Variants in MMRN1 observed in about 807,000 individuals in gnomAD.
The protein encoded by MMRN1 is multimerin-1.
MMRN1 carries 94 observed loss-of-function variants against 100.7 expected under a neutral mutation model. The ratio of observed to expected loss-of-function variants is 0.93; its 90% CI spans 0.79 to 1.11. The LOEUF (loss-of-function observed/expected upper bound fraction) is 1.11. MMRN1 is among the 50% of genes least tolerant of loss of function. MMRN1 has a pLI of 0.00. For missense variants in MMRN1, 1,606 were observed against 1,439.1 expected (o/e 1.12, Z -1.88); for synonymous variants, 575 against 505.0 (o/e 1.14, Z -1.86).
Position 89,923,226 on chromosome 4 carries a change from C to T in MMRN1, c.909C>T (p.Gly303=). ...AGGCTGAAAGTCATACAGCTGTTGGCAGAGGAGTAGCTGAGCAGCAGCAGC... is the reference window on the plus strand; with the variant it reads ...AGGCTGAAAGTCATACAGCTGTTGGTAGAGGAGTAGCTGAGCAGCAGCAGC... ...TNQAESHTAV[G]RGVAEQQQQQ... The change falls in exon 4 of 8, where the codon GGC becomes GGT. Residue 303 remains glycine (G), a synonymous_variant. Coordinates refer to ENST00000264790, the MANE Select transcript of MMRN1 (RefSeq NM_007351.3). The T allele has an allele frequency of 6.2e-7, 1 of 1,613,966 alleles. No individual in the cohort carries two copies.
chr4:89,902,085 C>A (rs1429816399), intron 1 of MMRN1: 4 of 139,300 alleles, frequency 2.9e-5, no homozygotes, highest in African/African-American at 1.1e-4. Context: ...CACAGTTTTG[C>A]AAGGAAGGGG....
In MMRN1 at chr4:89,919,896, A is replaced by T. The variant is rs191606864; in HGVS notation, c.851-3272A>T. On this transcript the variant is annotated intron_variant, in intron 3 of 7. Coordinates refer to ENST00000264790, the MANE Select transcript of MMRN1 (RefSeq NM_007351.3). Reference sequence around the variant, plus strand: ...TAATAAGTAAAATAAATTGAGCATCAAACTATTCAGAAGTTGTAGCAAATA... The same window carrying T: ...TAATAAGTAAAATAAATTGAGCATCTAACTATTCAGAAGTTGTAGCAAATA... Among the ~76,000 whole-genome samples, 442 of 152,276 alleles carry T rather than the reference A, an allele frequency of 2.9e-3. 11 individuals are homozygous for T. The highest frequency in any genetic ancestry group is 9.4e-4 in the Non-Finnish European group (64 of 67,992).
At chr4:89,939,968 A>G (rs1722771772) in intron 6 of MMRN1, among the ~76,000 whole-genome samples, 1 of 152,176 alleles carries the variant, frequency 6.6e-6, no homozygotes, top group African/African-American at 2.4e-5. Flanking sequence ...AAGAGGGACA[A>G]AATTCATTAT....
intron 7 of MMRN1, among the ~76,000 whole-genome samples, chr4:89,952,204 T>C (rs903692566): frequency 6.6e-6 from 1 of 152,192 alleles, no homozygotes; most frequent in African/African-American, 2.4e-5. Context: ...AATGGCACCA[T>C]TTTGACTGTG....
intron 1 of MMRN1, among the ~76,000 whole-genome samples, chr4:89,889,463 T>G (rs1181394398): frequency 6.6e-6 from 1 of 152,144 alleles, no homozygotes; most frequent in Non-Finnish European, 1.5e-5. Flanking sequence ...GCATAGTTCC[T>G]GCTTATCCCT....
At chr4:89,924,710 G>T (rs1560589906) in intron 4 of MMRN1, among the ~76,000 whole-genome samples, 1 of 152,018 alleles carries the variant, frequency 6.6e-6, no homozygotes, top group Non-Finnish European at 1.5e-5. Flanking sequence ...CTAACGTGGT[G>T]GTGTGTGCCT....
At chr4:89,898,759 T>G (rs961092404) in intron 1 of MMRN1, among the ~76,000 whole-genome samples, 1 of 152,100 alleles carries the variant, frequency 6.6e-6, no homozygotes, top group African/African-American at 2.4e-5. Context: ...TTTTCACACC[T>G]AATAATAACT....
At chr4:89,889,983 A>G (rs752132982), upstream of MMRN1, among the ~76,000 whole-genome samples, 1 of 152,046 alleles carries the variant, frequency 6.6e-6, no homozygotes, top group African/African-American at 2.4e-5. Flanking sequence ...TCACTCAGTG[A>G]AGACCTGCCA....
At chr4:89,904,615 C>G (rs541425936) in intron 1 of MMRN1, among the ~76,000 whole-genome samples, 1 of 151,218 alleles carries the variant, frequency 6.6e-6, no homozygotes, top group South Asian at 2.1e-4. Context: ...TTGAATAATA[C>G]CCCATTTTGA....
intron 6 of MMRN1, among the ~76,000 whole-genome samples, chr4:89,937,092 C>T (rs1437549035): frequency 6.6e-6 from 1 of 151,988 alleles, no homozygotes; most frequent in Non-Finnish European, 1.5e-5. Context: ...ATTTGCTTTG[C>T]ACAAGTAATT....
chr4:89,890,287 C>G (rs1242998952), upstream of MMRN1, among the ~76,000 whole-genome samples: 1 of 114,684 alleles, frequency 8.7e-6, no homozygotes, highest in Admixed American at 9.5e-5. Context: ...TGGTTATTTT[C>G]TAAAAACTTT....
At chr4:89,884,919 G>C (rs1190279550) in intron 1 of MMRN1, among the ~76,000 whole-genome samples, 1 of 152,030 alleles carries the variant, frequency 6.6e-6, no homozygotes, top group Non-Finnish European at 1.5e-5. Flanking sequence ...AACATAAGTT[G>C]TGAGAGCAAA....
intron 6 of MMRN1, 169 bp from the exon 7 acceptor site, chr4:89,951,436 G>C: frequency 9.4e-6 from 5 of 529,652 alleles, no homozygotes; most frequent in Middle Eastern, 5.2e-4. Flanking sequence ...AGAGCTAAGG[G>C]ATTTGCATGA....
intron 3 of MMRN1, among the ~76,000 whole-genome samples, chr4:89,917,129 CAG>C (rs1721947498): frequency 1.3e-5 from 2 of 151,438 alleles, no homozygotes; most frequent in Non-Finnish European, 3.0e-5. Context: ...GTGAAAGAGA[CAG>C]AGAGAGCCCT....
At position 89,888,118 on chromosome 4, in the gene MMRN1, A is replaced by G. The variant is rs1270116865; in HGVS notation, c.-248-6606A>G. ...GATAATATCAAATTTGTTTACATATATATTTAACTTTTCTGATGCTCTCCA... is the reference window on the plus strand; with the variant it reads ...GATAATATCAAATTTGTTTACATATGTATTTAACTTTTCTGATGCTCTCCA... On this transcript the variant is annotated intron_variant, in intron 1 of 8. Transcript: ENST00000394980. Among the ~76,000 whole-genome samples the G allele has an allele frequency of 2.6e-5, 4 of 151,942 alleles. No homozygotes were observed. In the East Asian group the frequency reaches 7.7e-4, roughly 29 times the overall value.
chr4:89,935,229 C>G lies in MMRN1; in HGVS notation c.1549C>G (p.His517Asp), dbSNP rs1444449374. Residue 517 changes from histidine (H) to aspartate (D), a missense_variant, in exon 6 of 8, where the codon CAT becomes GAT. By Grantham distance (81) the His-to-Asp change is moderately conservative. Coordinates refer to ENST00000264790, the MANE Select transcript of MMRN1 (RefSeq NM_007351.3). Reference sequence around the variant, plus strand: ...AACTCTTTCTAAATTGAAGGAAGTACATGAGCAGCTTTTATCAACTGAACA... The same window carrying G: ...AACTCTTTCTAAATTGAAGGAAGTAGATGAGCAGCTTTTATCAACTGAACA... ...NKTLSKLKEV[H>D]EQLLSTEQVS... 1.2e-6 allele frequency: 2 copies of G among 1,613,594 alleles called. No individual in the cohort carries two copies. The highest frequency in any genetic ancestry group is 1.1e-5 in the South Asian group (1 of 90,990).
chr4:89,900,158 C>T (rs568617129), intron 1 of MMRN1, among the ~76,000 whole-genome samples: 1 of 152,162 alleles, frequency 6.6e-6, no homozygotes, highest in African/African-American at 2.4e-5. Flanking sequence ...GCAATGGCAA[C>T]AACTGCTATC....
At chr4:89,938,604 T>A (rs1029293333) in intron 6 of MMRN1, among the ~76,000 whole-genome samples, 1 of 150,102 alleles carries the variant, frequency 6.7e-6, no homozygotes, top group Non-Finnish European at 1.5e-5. Flanking sequence ...CATTAAGAAC[T>A]TGCAAACTTT....
intron 6 of MMRN1, among the ~76,000 whole-genome samples, chr4:89,939,275 T>C (rs565236386): frequency 4.6e-5 from 7 of 152,224 alleles, no homozygotes; most frequent in African/African-American, 1.7e-4. Context: ...TAATTTATCA[T>C]CATCTTATGA....
Sources: allele counts gnomAD v4.1 joint callset (sites outside exome capture counted in the v4.1 genomes callset), GRCh38; gene constraint gnomAD v4.1.1; transcripts MANE v1.5; gene names NCBI Gene and HGNC (gene_info 2026-07-23, HGNC 2026-07-21).